The following KLC3 variants were observed in gnomAD, a reference collection of about 807,000 sequenced individuals.
KLC3 encodes the protein kinesin light chain 2.
A neutral mutation model predicts 62.9 loss-of-function variants in KLC3; 72 were observed. That is an observed-to-expected ratio of 1.15 (90% CI 0.95 to 1.39). KLC3 has a LOEUF of 1.39. KLC3 is among the 40% of genes most tolerant of loss of function. KLC3 has a pLI of 0.00. For synonymous variants in KLC3, 377 were observed against 300.5 expected (o/e 1.25, Z -2.63); for missense variants, 848 against 691.6 (o/e 1.23, Z -2.54).
chr19:45,350,979 A>C lies in KLC3; in HGVS notation c.1405A>C (p.Thr469Pro), dbSNP rs748434106. Reference protein sequence around the residue: ...AGMKRAMSLNTLNVDAPRAPG... With the variant: ...AGMKRAMSLNPLNVDAPRAPG... ...AATGAAGAGAGCCATGTCACTCAAC[A>C]CACTGAACGTGGATGCTCCAAGGGC... Residue 469 changes from threonine to proline, a missense_variant, in exon 12 of 13, where the codon ACA (threonine) becomes CCA (proline). Physicochemically the swap from Thr to Pro is conservative, Grantham distance 38. Coordinates refer to ENST00000391946, the MANE Select transcript of KLC3 (RefSeq NM_177417.3). The C allele has an allele frequency of 6.2e-7, 1 of 1,613,956 alleles. No homozygotes were observed. The highest frequency in any genetic ancestry group is 1.1e-5 in the South Asian group (1 of 91,062).
rs1160343291 is a variant in KLC3, at chr19:45,343,315, TTTTC to T, written c.-8-2211_-8-2208del. ...AGAGTTAGTTTCTGCGTGGGTTGGC[TTTTC>T]TTTCTTTTTTTTAAATAATATTATC... On this transcript the variant is annotated intron_variant, in intron 1 of 12. Transcript: ENST00000391946. Among the ~76,000 whole-genome samples, 7 of 152,152 alleles carry T rather than the reference TTTTC, an allele frequency of 4.6e-5. No individual in the cohort carries two copies. The East Asian group carries it at 5.8e-4, about 13-fold the overall frequency.
In KLC3 at chr19:45,347,534, A is replaced by C. The variant is rs1427517543; in HGVS notation, c.559+18A>C. The stretch of plus-strand genomic sequence containing the variant: ...GAGGAAAGGTGGGTGTTGGGAGTAC[A>C]TGCCACAGAGGATGGCAGGCCAGGG... On this transcript the variant is annotated intron_variant, in intron 4 of 12. Coordinates refer to ENST00000391946, the MANE Select transcript of KLC3 (RefSeq NM_177417.3). 1.2e-6 allele frequency: 2 copies of C among 1,600,790 alleles called. No individual in the cohort carries two copies. Among genetic ancestry groups the C allele is most frequent in the Non-Finnish European group, 1.7e-6 (2 of 1,173,150 alleles).
chr19:45,349,043 C>T (rs867148909), intron 7 of KLC3, 122 bp downstream of exon 7: 10 of 821,342 alleles, frequency 1.2e-5, no homozygotes, highest in Non-Finnish European at 1.9e-5. Flanking sequence ...TTGGGAGACC[C>T]CAGTTGGAGC....
intron 5 of KLC3, 141 bp from the exon 6 acceptor site, chr19:45,348,505 C>T: frequency 7.8e-6 from 6 of 773,504 alleles, no homozygotes; most frequent in Non-Finnish European, 1.3e-5. Context: ...TGGAGGGGCC[C>T]ACAAAAGGCC....
chr19:45,346,677 G>A lies in KLC3; in HGVS notation c.392G>A (p.Arg131Gln), dbSNP rs772029892. The change falls in exon 3 of 13, where the codon CGG (arginine) becomes CAG (glutamine). Residue 131 changes from arginine (R) to glutamine (Q), a missense_variant. Arg to Gln is a conservative substitution (Grantham distance 43). Coordinates refer to ENST00000391946, the MANE Select transcript of KLC3 (RefSeq NM_177417.3). Reference protein sequence around the residue: ...EELEETQRRLRASEESVAQLE... With the variant: ...EELEETQRRLQASEESVAQLE... ...CTGGAGGAGACGCAGCGGCGGCTTCGGGCCAGCGAGGAGTCCGTGGCCCAG... is the reference window on the plus strand; with the variant it reads ...CTGGAGGAGACGCAGCGGCGGCTTCAGGCCAGCGAGGAGTCCGTGGCCCAG... The A allele has an allele frequency of 1.1e-5, 17 of 1,559,496 alleles. No individual in the cohort carries two copies. Among genetic ancestry groups the A allele is most frequent in the Admixed American group, 7.8e-5 (4 of 51,432 alleles).
At position 45,350,406 on chromosome 19, in the gene KLC3, C is replaced by T. The variant is rs761673161; in HGVS notation, c.1209C>T (p.His403=). Residue 403 remains histidine (H), a synonymous_variant, in exon 9 of 13, where the codon CAC becomes CAT. Coordinates refer to ENST00000391946, the MANE Select transcript of KLC3 (RefSeq NM_177417.3). ...QAEELYKEIL[H]KEDLPAPLGA... is the part of the protein sequence containing the mutation. ...AAGAGCTGTACAAAGAAATCCTCCA[C>T]AAGGAGGACCTACCCGCCCCTCTCG... is the stretch of plus-strand genomic sequence containing the variant. 3.4e-5 allele frequency: 55 copies of T among 1,613,662 alleles called. No individual in the cohort carries two copies. The highest frequency in any genetic ancestry group is 1.6e-4 in the Middle Eastern group (1 of 6,082).
intron 5 of KLC3, 73 bp downstream of exon 5, chr19:45,348,233 G>A (rs925246084): frequency 8.8e-6 from 12 of 1,361,242 alleles, no homozygotes; most frequent in East Asian, 7.6e-5. Flanking sequence ...GAAGGATCCT[G>A]GTGCCCCCTC....
chr19:45,345,160 G>GGGGATCCAAGGGCCTT, intron 1 of KLC3: 2 of 413,768 alleles, frequency 4.8e-6, no homozygotes, highest in South Asian at 4.1e-5. Context: ...CTCTGGGCCA[G>GGGGATCCAAGGGCCTT]GGGATCCAAG....
intron 5 of KLC3, 103 bp downstream of exon 5, chr19:45,348,263 G>T: frequency 9.7e-7 from 1 of 1,027,416 alleles, no homozygotes; most frequent in South Asian, 1.6e-5. Context: ...GGAGCACCTA[G>T]GGAGGTCAGG....
intron 1 of KLC3, among the ~76,000 whole-genome samples, chr19:45,341,180 CTGTGTTTG>C (rs1253243104): frequency 9.6e-4 from 84 of 87,868 alleles, no homozygotes; most frequent in East Asian, 6.3e-3. Flanking sequence ...TCCTGCCTGC[CTGTGTTTG>C]TGTGTGTGTG....
intron 8 of KLC3, 107 bp downstream of exon 8, chr19:45,349,709 C>G (rs1971622888): frequency 8.9e-7 from 1 of 1,121,992 alleles, no homozygotes; most frequent in African/African-American, 1.6e-5. Flanking sequence ...GGGGGGGCCC[C>G]CCAGGCCGGG....
intron 8 of KLC3, 89 bp downstream of exon 8, chr19:45,349,691 GA>G: frequency 9.0e-7 from 1 of 1,105,926 alleles, no homozygotes; most frequent in Non-Finnish European, 1.2e-6. Flanking sequence ...TGAGCAACGT[GA>G]GGGTGGGGGG....
chr19:45,347,500 G>C lies in KLC3; in HGVS notation c.543G>C (p.Glu181Asp). 1.2e-6 allele frequency: 2 copies of C among 1,604,854 alleles called. No individual in the cohort carries two copies. Among genetic ancestry groups the C allele is most frequent in the South Asian group, 1.1e-5 (1 of 90,168 alleles). ...RDSLASLFPS[E>D]EEERKGPEAA... ...GCCTGGCCTCCCTGTTCCCCAGCGA[G>C]GAGGAGGAGAGGAAAGGTGGGTGTT... Residue 181 changes from glutamate (E) to aspartate (D), a missense_variant, in exon 4 of 13, where the codon GAG (glutamate) becomes GAC (aspartate). Glu to Asp is a conservative substitution (Grantham distance 45). Coordinates refer to ENST00000391946, the MANE Select transcript of KLC3 (RefSeq NM_177417.3).
intron 2 of KLC3, 43 bp from the exon 3 acceptor site, chr19:45,346,501 A>C: frequency 6.8e-7 from 1 of 1,476,446 alleles, no homozygotes; most frequent in Non-Finnish European, 9.0e-7. Context: ...GCCGTCTGGC[A>C]GGGCAGGAAC....
chr19:45,349,792 G>A (rs1049846952), intron 8 of KLC3, 190 bp downstream of exon 8: 26 of 574,476 alleles, frequency 4.5e-5, no homozygotes, highest in Middle Eastern at 4.6e-4. Context: ...GTAAGTCCAC[G>A]GCAGCCAGAG....
At chr19:45,344,154 A>AGAGT (rs1971442375) in intron 1 of KLC3, among the ~76,000 whole-genome samples, 1 of 142,028 alleles carries the variant, frequency 7.0e-6, no homozygotes, top group Non-Finnish European at 1.5e-5. Flanking sequence ...CTAATGAGGG[A>AGAGT]GTGTGTGTGT....
chr19:45,351,421 G>C lies in KLC3; in HGVS notation c.*64G>C. ...AGTGCAGGAGGGATGGGCTGGTGGG[G>C]TGAGAGGGGGTCTATCATCTCCTGG... is the stretch of plus-strand genomic sequence containing the variant. On this transcript the variant is annotated 3_prime_UTR_variant, in exon 13 of 13. Transcript: ENST00000391946. 6.3e-7 allele frequency: 1 copy of C among 1,593,640 alleles called. No homozygotes were observed. The highest frequency in any genetic ancestry group is 1.1e-5 in the South Asian group (1 of 90,576).
In KLC3 at chr19:45,349,603, G is replaced by A; in HGVS notation, c.1143+1G>A. ...CGTGGCCAAGACCAAGAACAACCTGGTGAGGCCCCTGGGGCTCAGAGTGGG... is the reference window on the plus strand; with the variant it reads ...CGTGGCCAAGACCAAGAACAACCTGATGAGGCCCCTGGGGCTCAGAGTGGG... On this transcript the variant is annotated splice_donor_variant, in intron 8 of 12. Transcript: ENST00000391946. LOFTEE classifies it high-confidence loss of function. 2 of 1,606,132 alleles carry A rather than the reference G, an allele frequency of 1.2e-6. No individual in the cohort carries two copies. The highest frequency in any genetic ancestry group is 1.1e-5 in the South Asian group (1 of 90,658).
intron 11 of KLC3, 66 bp downstream of exon 11, chr19:45,350,813 A>G (rs558846191): frequency 4.5e-6 from 2 of 443,682 alleles, no homozygotes; most frequent in African/African-American, 4.1e-5. Flanking sequence ...CCCCACCCCC[A>G]CCCCCATCTT....
Sources: gnomAD v4.1 joint callset for allele counts (sites outside exome capture counted in the v4.1 genomes callset) on GRCh38, gnomAD v4.1.1 for gene constraint, MANE v1.5 for transcripts, NCBI Gene and HGNC (gene_info 2026-07-23, HGNC 2026-07-21) for gene names.